The following FAM171A1 variants were observed in gnomAD, a reference collection of about 807,000 sequenced individuals.
FAM171A1 encodes the protein protein FAM171A1.
Under a neutral mutation model 74.9 loss-of-function variants are expected in FAM171A1, and 23 were observed. That is an observed-to-expected ratio of 0.31 (90% CI 0.22 to 0.44). The LOEUF (loss-of-function observed/expected upper bound fraction) is 0.44, where lower values mean the gene tolerates loss of function less well. Among genes scored for constraint, FAM171A1 ranks in the 20% least tolerant of loss-of-function variants. The pLI is 1.00. For missense variants in FAM171A1, 1,162 were observed against 1,159.2 expected (o/e 1.00, Z -0.03); for synonymous variants, 527 against 505.7 (o/e 1.04, Z -0.57).
rs146503161 is a variant in FAM171A1, at chr10:15,366,152, T to A, written c.97+4804A>T. On this transcript the variant is annotated intron_variant, in intron 1 of 7. Coordinates refer to ENST00000378116, the MANE Select transcript of FAM171A1 (RefSeq NM_001010924.2). ...TTTATTTATTTGAGATGGAGTTTCA[T>A]TCTGTTGCCCAGGCTGGAGTGCAGT... Among the ~76,000 whole-genome samples, 1,263 of 152,222 alleles carry A rather than the reference T, an allele frequency of 8.3e-3. 19 individuals carry two copies. Among genetic ancestry groups the A allele is most frequent in the African/African-American group, 0.029 (1,202 of 41,544 alleles).
At chr10:15,269,526 C>T (rs969858961) in intron 3 of FAM171A1, among the ~76,000 whole-genome samples, 12 of 152,148 alleles carry the variant, frequency 7.9e-5, no homozygotes, top group Non-Finnish European at 1.3e-4. Flanking sequence ...CTCAAACCTT[C>T]TTTGTGAGCT....
chr10:15,371,507 A>C (rs1836148798), upstream of FAM171A1, among the ~76,000 whole-genome samples: 1 of 151,276 alleles, frequency 6.6e-6, no homozygotes, highest in African/African-American at 2.4e-5. Context: ...CCTTTTCATC[A>C]CACCAGGTCA....
chr10:15,225,914 C>T (rs757776537), intron 5 of FAM171A1, among the ~76,000 whole-genome samples: 1 of 152,214 alleles, frequency 6.6e-6, no homozygotes, highest in Non-Finnish European at 1.5e-5. Flanking sequence ...TTAAGCCTGT[C>T]TCCTTGGGGT....
chr10:15,287,783 T>C (rs1835055629), intron 1 of FAM171A1, among the ~76,000 whole-genome samples: 1 of 152,178 alleles, frequency 6.6e-6, no homozygotes, highest in Non-Finnish European at 1.5e-5. Context: ...TTTATTTCCG[T>C]AGGTTTTAGG....
chr10:15,263,456 T>C (rs996141975), intron 3 of FAM171A1, among the ~76,000 whole-genome samples: 35 of 152,368 alleles, frequency 2.3e-4, no homozygotes, highest in African/African-American at 7.9e-4. Flanking sequence ...GAGTGTTCTC[T>C]CTTTCCATAC....
At chr10:15,367,198 C>CAAAA (rs1836074234) in intron 1 of FAM171A1, among the ~76,000 whole-genome samples, 1 of 126,164 alleles carries the variant, frequency 7.9e-6, no homozygotes, top group Non-Finnish European at 1.7e-5. Context: ...GACTCCATCT[C>CAAAA]AAAACAAACA....
chr10:15,317,763 C>A (rs537008593), intron 1 of FAM171A1, among the ~76,000 whole-genome samples: 1 of 152,148 alleles, frequency 6.6e-6, no homozygotes, highest in Non-Finnish European at 1.5e-5. Flanking sequence ...AGGGTCCATG[C>A]TCAATTTTAT....
chr10:15,277,216 C>CATT (rs1834905680), intron 2 of FAM171A1, among the ~76,000 whole-genome samples: 1 of 152,014 alleles, frequency 6.6e-6, no homozygotes, highest in Non-Finnish European at 1.5e-5. Flanking sequence ...ATCACTTAGG[C>CATT]ATTATTATTA....
chr10:15,292,378 A>C (rs1412657539), intron 1 of FAM171A1, among the ~76,000 whole-genome samples: 2 of 152,178 alleles, frequency 1.3e-5, no homozygotes, highest in African/African-American at 4.8e-5. Flanking sequence ...TCTTTCTGCC[A>C]TTCTTTCTTT....
chr10:15,272,806 G>T (rs1038362932), intron 3 of FAM171A1, among the ~76,000 whole-genome samples: 1 of 152,122 alleles, frequency 6.6e-6, no homozygotes, highest in East Asian at 1.9e-4. Context: ...GGTACATAAC[G>T]AAATGAAGGC....
intron 3 of FAM171A1, among the ~76,000 whole-genome samples, chr10:15,258,054 CTCTTTT>C (rs970858025): frequency 1.6e-4 from 24 of 152,032 alleles, no homozygotes; most frequent in Middle Eastern, 3.2e-3. Context: ...TCTTTCTTTT[CTCTTTT>C]TCTTTTTCTT....
intron 1 of FAM171A1, among the ~76,000 whole-genome samples, chr10:15,345,338 G>A (rs1009598352): frequency 7.9e-5 from 12 of 152,188 alleles, no homozygotes; most frequent in Non-Finnish European, 1.5e-4. Flanking sequence ...CTAGAACAGG[G>A]CTTGGATCAC....
intron 5 of FAM171A1, among the ~76,000 whole-genome samples, chr10:15,247,350 T>C (rs984101557): frequency 3.3e-5 from 5 of 152,312 alleles, no homozygotes; most frequent in Admixed American, 2.6e-4. Flanking sequence ...TCACTCACTG[T>C]GACTTTGAAT....
Position 15,346,699 on chromosome 10 carries a change from A to T in FAM171A1, c.97+24257T>A, listed in dbSNP as rs916150714. The stretch of plus-strand genomic sequence containing the variant: ...CGTGGAAATGAGTGTTTCAAGAGGT[A>T]TGGGTCCAGCACACCCAACTCCACT... On this transcript the variant is annotated intron_variant, in intron 1 of 7. Coordinates refer to ENST00000378116, the MANE Select transcript of FAM171A1 (RefSeq NM_001010924.2). Among the ~76,000 whole-genome samples, 7 of 152,306 alleles carry T rather than the reference A, an allele frequency of 4.6e-5. No individual in the cohort carries two copies. In the East Asian group the frequency reaches 1.4e-3, roughly 29 times the overall value.
intron 3 of FAM171A1, among the ~76,000 whole-genome samples, chr10:15,259,708 ACT>A (rs1802080103): frequency 6.6e-6 from 1 of 152,018 alleles, no homozygotes; most frequent in African/African-American, 2.4e-5. Flanking sequence ...TTTAATTCTA[ACT>A]CTGTATCCTT....
intron 1 of FAM171A1, among the ~76,000 whole-genome samples, chr10:15,332,390 T>C (rs1835649533): frequency 6.6e-6 from 1 of 152,138 alleles, no homozygotes; most frequent in Non-Finnish European, 1.5e-5. Context: ...AAATGCCCAA[T>C]GGTTCTGTTT....
intron 1 of FAM171A1, among the ~76,000 whole-genome samples, chr10:15,330,161 G>C (rs1248792120): frequency 6.6e-6 from 1 of 152,056 alleles, no homozygotes; most frequent in Non-Finnish European, 1.5e-5. Flanking sequence ...GGCCTACATA[G>C]TGAAACTCCA....
At chr10:15,240,163 C>T (rs1307701079) in intron 5 of FAM171A1, among the ~76,000 whole-genome samples, 1 of 152,168 alleles carries the variant, frequency 6.6e-6, no homozygotes, top group Admixed American at 6.5e-5. Flanking sequence ...GAGTTCGAGA[C>T]CAGCCTGGTC....
At chr10:15,263,875 CTATCT>C (rs1834700885) in intron 3 of FAM171A1, among the ~76,000 whole-genome samples, 1 of 151,104 alleles carries the variant, frequency 6.6e-6, no homozygotes, top group South Asian at 2.1e-4. Flanking sequence ...ATCTATCTAT[CTATCT>C]ATCTATCTAT....
Sources: gnomAD v4.1 joint callset for allele counts (sites outside exome capture counted in the v4.1 genomes callset) on GRCh38, gnomAD v4.1.1 for gene constraint, MANE v1.5 for transcripts, NCBI Gene and HGNC (gene_info 2026-07-23, HGNC 2026-07-21) for gene names.